Variants in DLG2 observed in about 807,000 individuals in gnomAD.
The protein encoded by DLG2 is disks large homolog 2.
A neutral mutation model predicts 132.5 loss-of-function variants in DLG2; 45 were observed. That is an observed-to-expected ratio of 0.34 (90% confidence interval 0.27 to 0.44). The LOEUF (loss-of-function observed/expected upper bound fraction) is 0.44, where lower values mean the gene tolerates loss of function less well. Ranked by LOEUF, DLG2 falls within the 20% of genes least tolerant of loss-of-function variation. The probability of loss-of-function intolerance (pLI) is 1.00; values close to 1 mark genes in which losing one functional copy is unlikely to be tolerated. For synonymous variants in DLG2, 424 were observed against 419.6 expected (o/e 1.01, Z -0.13); for missense variants, 1,045 against 1,196.9 (o/e 0.87, Z 1.87).
rs1406006120 is a variant in DLG2, at chr11:85,285,290, T to G, written c.116A>C (p.Gln39Pro). 5.0e-6 allele frequency: 8 copies of G among 1,612,068 alleles called. No homozygotes were observed. The highest frequency in any genetic ancestry group is 6.8e-6 in the Non-Finnish European group (8 of 1,178,762). ...TGTCTTCTCCCATTTCTGTAAAACTTGATTGGCTTCTTCTATCTTCTGCTC... is the reference window on the plus strand; with the variant it reads ...TGTCTTCTCCCATTTCTGTAAAACTGGATTGGCTTCTTCTATCTTCTGCTC... ...SCEQKIEEAN[Q>P]VLQKWEKTSL... Residue 39 changes from glutamine to proline, a missense_variant, in exon 4 of 28, where the codon CAA (glutamine) becomes CCA (proline). By Grantham distance (76) the Gln-to-Pro change is moderately conservative. Around this residue, in one of 4 missense-constraint regions of DLG2, gnomAD observed 277 missense variants for 238.2 expected, o/e 1.16. Transcript: ENST00000376104.
chr11:85,033,971 C>T (rs1461049591), intron 6 of DLG2, among the ~76,000 whole-genome samples: 6 of 152,006 alleles, frequency 3.9e-5, no homozygotes, highest in Non-Finnish European at 8.8e-5. Flanking sequence ...TTGGTCTTTA[C>T]AGGTATTAGC....
Position 84,368,246 on chromosome 11 carries a change from T to G in DLG2, c.520-116955A>C, listed in dbSNP as rs546498651. On this transcript the variant is annotated intron_variant, in intron 7 of 27. Transcript: ENST00000376104. ...ACATGTAATATATGTTCTTTTTATA[T>G]GCTCAATCTACTTTTTCAAAATATC... Among the ~76,000 whole-genome samples, 3 of 152,322 alleles carry G rather than the reference T, an allele frequency of 2.0e-5. No homozygotes were observed. The South Asian group carries it at 6.2e-4, about 32-fold the overall frequency.
chr11:84,062,819 G>T (rs1203966867), intron 10 of DLG2, among the ~76,000 whole-genome samples: 1 of 151,678 alleles, frequency 6.6e-6, no homozygotes, highest in Non-Finnish European at 1.5e-5. Context: ...AAGTATGTCA[G>T]GCCAAACTAG....
intron 16 of DLG2, among the ~76,000 whole-genome samples, chr11:83,841,890 T>C (rs74315774): frequency 0.012 from 1,758 of 152,280 alleles, 33 homozygotes; most frequent in African/African-American, 0.04. Flanking sequence ...AGGAGCCACA[T>C]GTAAACAAAC....
At chr11:84,951,500 G>A (rs1360107818) in intron 6 of DLG2, among the ~76,000 whole-genome samples, 2 of 151,716 alleles carry the variant, frequency 1.3e-5, no homozygotes, top group Non-Finnish European at 2.9e-5. Flanking sequence ...TAAAATGTTT[G>A]ATTTGTCATT....
intron 8 of DLG2, among the ~76,000 whole-genome samples, chr11:84,242,300 AAGTGAATT>A (rs1454749260): frequency 1.3e-5 from 2 of 152,182 alleles, no homozygotes; most frequent in Non-Finnish European, 2.9e-5. Flanking sequence ...AAGGCAAAAA[AAGTGAATT>A]AGTTTGTGAA....
chr11:85,513,019 G>A (rs757641486), intron 3 of DLG2, among the ~76,000 whole-genome samples: 1 of 151,992 alleles, frequency 6.6e-6, no homozygotes, highest in African/African-American at 2.4e-5. Context: ...CCATAAAAAA[G>A]AACAAAATCA....
At chr11:84,990,158 A>C (rs1592294670) in intron 6 of DLG2, among the ~76,000 whole-genome samples, 1 of 152,222 alleles carries the variant, frequency 6.6e-6, no homozygotes, top group East Asian at 1.9e-4. Context: ...AGCAATGAAA[A>C]AGCCCAATTT....
At chr11:85,553,698 T>G (rs1159111665) in intron 3 of DLG2, among the ~76,000 whole-genome samples, 1 of 151,482 alleles carries the variant, frequency 6.6e-6, no homozygotes, top group Non-Finnish European at 1.5e-5. Flanking sequence ...TTATAAAAAT[T>G]ATCCATATAA....
chr11:85,210,865 A>T (rs936396768), intron 4 of DLG2, among the ~76,000 whole-genome samples: 3 of 151,890 alleles, frequency 2.0e-5, no homozygotes, highest in Non-Finnish European at 4.4e-5. Context: ...TCTCCCTTCC[A>T]TTTCACAGGC....
chr11:84,657,742 T>C (rs1263911384), intron 6 of DLG2, among the ~76,000 whole-genome samples: 1 of 152,200 alleles, frequency 6.6e-6, no homozygotes, highest in African/African-American at 2.4e-5. Context: ...GCTGTGTGTC[T>C]TAATTCTTAA....
intron 15 of DLG2, among the ~76,000 whole-genome samples, chr11:83,915,449 T>C (rs1437741748): frequency 6.6e-6 from 1 of 152,152 alleles, no homozygotes; most frequent in Non-Finnish European, 1.5e-5. Flanking sequence ...AAATACCTAC[T>C]GTATAGATTT....
At chr11:84,284,737 T>C (rs987839064) in intron 7 of DLG2, among the ~76,000 whole-genome samples, 10 of 152,200 alleles carry the variant, frequency 6.6e-5, no homozygotes, top group African/African-American at 2.2e-4. Flanking sequence ...TACTGGACTT[T>C]CTTGACAGAA....
At chr11:84,591,821 G>T (rs577829998) in intron 6 of DLG2, among the ~76,000 whole-genome samples, 19 of 152,194 alleles carry the variant, frequency 1.2e-4, no homozygotes, top group African/African-American at 4.3e-4. Context: ...AATCTCTGTG[G>T]GGGTAGGACC....
intron 6 of DLG2, among the ~76,000 whole-genome samples, chr11:84,625,212 A>AAC (rs1396355123): frequency 1.3e-5 from 2 of 152,006 alleles, no homozygotes; most frequent in Non-Finnish European, 2.9e-5. Flanking sequence ...TGAAGAATGA[A>AAC]ACATCTAAAA....
intron 4 of DLG2, among the ~76,000 whole-genome samples, chr11:85,247,550 T>C (rs1030570804): frequency 8.6e-5 from 13 of 152,012 alleles, no homozygotes; most frequent in African/African-American, 3.1e-4. Context: ...AATTTTCTTG[T>C]TATTAGTAAT....
At chr11:83,906,286 C>G (rs1468987469) in intron 15 of DLG2, among the ~76,000 whole-genome samples, 24 of 144,998 alleles carry the variant, frequency 1.7e-4, no homozygotes, top group Middle Eastern at 3.4e-3. Context: ...CACACACACA[C>G]ACACACACAC....
intron 6 of DLG2, among the ~76,000 whole-genome samples, chr11:84,690,252 A>T (rs1460629032): frequency 6.6e-6 from 1 of 151,942 alleles, no homozygotes; most frequent in East Asian, 1.9e-4. Flanking sequence ...TACTACATAT[A>T]TATATTTCAA....
At chr11:83,473,525 A>G (rs911423807) in intron 22 of DLG2, among the ~76,000 whole-genome samples, 1 of 152,096 alleles carries the variant, frequency 6.6e-6, no homozygotes, top group East Asian at 1.9e-4. Flanking sequence ...TATTTTTTCA[A>G]TCATCTATTT....
Sources: gnomAD v4.1 joint callset for allele counts (sites outside exome capture counted in the v4.1 genomes callset) on GRCh38, gnomAD v4.1.1 for gene constraint, gnomAD v4.1.1 regional missense constraint, MANE v1.5 for transcripts, NCBI Gene and HGNC (gene_info 2026-07-23, HGNC 2026-07-21) for gene names.